The following GABRB3 variants were observed in gnomAD, a reference collection of about 807,000 sequenced individuals.
GABRB3 encodes the protein gamma-aminobutyric acid type A receptor subunit beta3, also known as gamma-aminobutyric acid receptor subunit beta-3.
GABRB3 carries 14 observed loss-of-function variants against 52.1 expected under a neutral mutation model. The ratio of observed to expected loss-of-function variants is 0.27; its 90% CI spans 0.18 to 0.42. GABRB3 has a LOEUF of 0.42. Among genes scored for constraint, GABRB3 ranks in the 10% least tolerant of loss-of-function variants. The pLI is 1.00. For missense variants in GABRB3, 307 were observed against 609.1 expected, an observed-to-expected ratio of 0.50 and a Z score of 5.22; for synonymous variants, 260 against 232.3, an observed-to-expected ratio of 1.12 and a Z score of -1.08.
At chr15:26,732,100 T>G (rs1202295634) in intron 3 of GABRB3, among the ~76,000 whole-genome samples, 1 of 151,140 alleles carries the variant, frequency 6.6e-6, no homozygotes, top group South Asian at 2.1e-4. Context: ...GATGGATAGA[T>G]GATGGATAGA....
At chr15:26,654,049 G>A (rs902546072) in intron 3 of GABRB3, among the ~76,000 whole-genome samples, 16 of 152,250 alleles carry the variant, frequency 1.1e-4, no homozygotes, top group Admixed American at 2.6e-4. Context: ...TATGAGGTCC[G>A]CAATAGCTAT....
chr15:26,703,347 CT>C (rs1222517123), intron 3 of GABRB3, among the ~76,000 whole-genome samples: 3 of 152,138 alleles, frequency 2.0e-5, no homozygotes, highest in Non-Finnish European at 4.4e-5. Flanking sequence ...GCAAGGACCC[CT>C]GATCCCATTT....
intron 5 of GABRB3, chr15:26,580,803 G>A: frequency 2.6e-6 from 1 of 377,650 alleles, no homozygotes; most frequent in Non-Finnish European, 5.1e-6. Flanking sequence ...ATAGTTTTAA[G>A]AGAATGAGAA....
At chr15:26,602,748 G>GTA (rs1891635441) in intron 4 of GABRB3, among the ~76,000 whole-genome samples, 1 of 151,996 alleles carries the variant, frequency 6.6e-6, no homozygotes, top group South Asian at 2.1e-4. Flanking sequence ...AAAACCTATG[G>GTA]TATATAGCAA....
chr15:26,635,518 C>CAA (rs11452826), intron 3 of GABRB3, among the ~76,000 whole-genome samples: 20 of 147,736 alleles, frequency 1.4e-4, no homozygotes, highest in African/African-American at 3.0e-4. Context: ...GCAGACAAGG[C>CAA]AAAAAAAAAA....
At position 26,744,832 on chromosome 15, in the gene GABRB3, T is replaced by C. The variant is rs140983354; in HGVS notation, c.240+27570A>G. 2.4e-3 allele frequency among the ~76,000 whole-genome samples: 368 copies of C among 152,336 alleles called. 3 individuals carry two copies. Among genetic ancestry groups the C allele is most frequent in the African/African-American group, 8.2e-3 (339 of 41,578 alleles). On this transcript the variant is annotated intron_variant, in intron 3 of 8. Transcript: ENST00000311550. Reference sequence around the variant, plus strand: ...ATATCCTCAAGAAAATTTTTACTTATTGACATTTATTTATATAAGTGTATA... The same window carrying C: ...ATATCCTCAAGAAAATTTTTACTTACTGACATTTATTTATATAAGTGTATA...
At chr15:26,699,349 C>T (rs866366315) in intron 3 of GABRB3, among the ~76,000 whole-genome samples, 25 of 152,026 alleles carry the variant, frequency 1.6e-4, no homozygotes, top group South Asian at 8.3e-4. Flanking sequence ...AAGAACAAAG[C>T]GCAAGAATAT....
intron 3 of GABRB3, among the ~76,000 whole-genome samples, chr15:26,682,872 A>C (rs1888281838): frequency 6.6e-6 from 1 of 152,184 alleles, no homozygotes; most frequent in South Asian, 2.1e-4. Flanking sequence ...AACACTCGGC[A>C]AGCTGGGGAC....
chr15:26,558,791 T>G (rs1889857573), intron 8 of GABRB3, among the ~76,000 whole-genome samples: 1 of 150,470 alleles, frequency 6.6e-6, no homozygotes, highest in South Asian at 2.1e-4. Context: ...TGAGCCAAGA[T>G]CACGCCATCA....
intron 6 of GABRB3, among the ~76,000 whole-genome samples, chr15:26,573,582 T>C (rs1890487505): frequency 6.6e-6 from 1 of 152,218 alleles, no homozygotes; most frequent in Non-Finnish European, 1.5e-5. Context: ...GTTACTATCC[T>C]CTCTTTCCTT....
At chr15:26,773,388 G>T (rs1288091059), upstream of GABRB3, among the ~76,000 whole-genome samples, 2 of 151,036 alleles carry the variant, frequency 1.3e-5, no homozygotes, top group Non-Finnish European at 3.0e-5. Flanking sequence ...GAGGGGCGGG[G>T]GGTCGTCCCC....
At chr15:26,690,794 T>C (rs1405067127) in intron 3 of GABRB3, among the ~76,000 whole-genome samples, 1 of 151,478 alleles carries the variant, frequency 6.6e-6, no homozygotes, top group Non-Finnish European at 1.5e-5. Flanking sequence ...ATGTTTATGG[T>C]AATTAATGAC....
chr15:26,705,422 C>T (rs571656288), intron 3 of GABRB3, among the ~76,000 whole-genome samples: 1 of 152,232 alleles, frequency 6.6e-6, no homozygotes, highest in African/African-American at 2.4e-5. Context: ...GTTAGGATTT[C>T]AACATACAAA....
chr15:26,670,163 C>G (rs1052421821), intron 3 of GABRB3, among the ~76,000 whole-genome samples: 6 of 152,204 alleles, frequency 3.9e-5, no homozygotes, highest in Non-Finnish European at 1.5e-5. Context: ...GAGACCGCTA[C>G]GCCCCAACGC....
intron 3 of GABRB3, among the ~76,000 whole-genome samples, chr15:26,771,205 T>C (rs1891134233): frequency 6.6e-6 from 1 of 152,210 alleles, no homozygotes; most frequent in African/African-American, 2.4e-5. Flanking sequence ...TATTCATATA[T>C]CTGTGACTTA....
chr15:26,656,698 G>A (rs148047430), intron 3 of GABRB3, among the ~76,000 whole-genome samples: 9 of 152,284 alleles, frequency 5.9e-5, no homozygotes, highest in Admixed American at 3.3e-4. Context: ...CACTCCTTAT[G>A]AGAGTCGAAT....
In GABRB3 at chr15:26,772,861, G is replaced by A. The variant is rs1172354816; in HGVS notation, c.80+22C>T. On this transcript the variant is annotated intron_variant, in intron 1 of 8. Coordinates refer to ENST00000311550, the MANE Select transcript of GABRB3 (RefSeq NM_000814.6). The stretch of plus-strand genomic sequence containing the variant: ...GCACCCCGCGCCCTGCCCGCCGCCC[G>A]CCGGCCCACCCGCGACCCTACCTCT... The A allele has an allele frequency of 4.8e-6, 7 of 1,449,620 alleles. No individual in the cohort carries two copies. The African/African-American group carries it at 5.9e-5, about 12-fold the overall frequency. 89.8% of individuals were successfully genotyped at this position (1,449,620 alleles called of 1,614,324 possible).
intron 3 of GABRB3, among the ~76,000 whole-genome samples, chr15:26,700,337 T>C (rs964115687): frequency 1.8e-4 from 28 of 152,176 alleles, no homozygotes; most frequent in Non-Finnish European, 3.5e-4. Flanking sequence ...AGAAATTTAA[T>C]TTTTAGATAA....
chr15:26,560,910 G>T (rs41301771), intron 8 of GABRB3, 22 bp downstream of exon 8: 1 of 1,613,156 alleles, frequency 6.2e-7, no homozygotes, highest in Non-Finnish European at 8.5e-7. Flanking sequence ...ACCAGGTGGG[G>T]TCAAGGTGGT....
Sources: gnomAD v4.1 joint callset for allele counts (sites outside exome capture counted in the v4.1 genomes callset) on GRCh38, gnomAD v4.1.1 for gene constraint, MANE v1.5 for transcripts, NCBI Gene and HGNC (gene_info 2026-07-23, HGNC 2026-07-21) for gene names.